Variants in NCK2 observed in about 807,000 individuals in gnomAD.
The protein encoded by NCK2 is cytoplasmic protein NCK2.
In NCK2, 16 loss-of-function variants were observed where a neutral mutation model predicts 33.9. The observed-to-expected ratio is 0.47, with a 90% CI of 0.32 to 0.72. NCK2 has a LOEUF of 0.72. Ranked by LOEUF, NCK2 falls within the 30% of genes least tolerant of loss-of-function variation. The pLI is 0.03. For missense variants in NCK2, 418 were observed against 537.3 expected (o/e 0.78, Z 2.19); for synonymous variants, 273 against 239.9 (o/e 1.14, Z -1.27).
At chr2:105,883,957 C>T (rs992284936) in intron 4 of NCK2, among the ~76,000 whole-genome samples, 4 of 152,200 alleles carry the variant, frequency 2.6e-5, no homozygotes, top group African/African-American at 9.6e-5. Flanking sequence ...GCAGCACCGT[C>T]TTTGTCTGAG....
intron 1 of NCK2, among the ~76,000 whole-genome samples, chr2:105,788,544 A>G (rs899524276): frequency 2.0e-4 from 30 of 152,138 alleles, no homozygotes; most frequent in Non-Finnish European, 4.4e-4. Flanking sequence ...TATATTTTTG[A>G]TATTTAACAT....
At chr2:105,813,618 C>T (rs762336248) in intron 1 of NCK2, among the ~76,000 whole-genome samples, 179 of 152,334 alleles carry the variant, frequency 1.2e-3, no homozygotes, top group Non-Finnish European at 1.1e-3. Context: ...CGACTGCTTG[C>T]AGGGGGGCAT....
chr2:105,798,081 C>T (rs1414011825), intron 1 of NCK2, among the ~76,000 whole-genome samples: 1 of 152,042 alleles, frequency 6.6e-6, no homozygotes, highest in African/African-American at 2.4e-5. Flanking sequence ...TTAAATCATC[C>T]CCTACTTCCA....
chr2:105,795,275 A>G (rs1691038038), intron 1 of NCK2, among the ~76,000 whole-genome samples: 1 of 151,562 alleles, frequency 6.6e-6, no homozygotes, highest in South Asian at 2.1e-4. Context: ...GAGCAAACAC[A>G]TATGTGTATA....
At chr2:105,819,933 A>G (rs1261604849) in intron 2 of NCK2, among the ~76,000 whole-genome samples, 2 of 152,138 alleles carry the variant, frequency 1.3e-5, no homozygotes, top group East Asian at 1.9e-4. Flanking sequence ...AAAAATAGAT[A>G]AAATATAGTC....
chr2:105,824,233 C>T (rs886603630), intron 2 of NCK2, among the ~76,000 whole-genome samples: 1 of 150,392 alleles, frequency 6.6e-6, no homozygotes, highest in Non-Finnish European at 1.5e-5. Context: ...GTAAATGTCA[C>T]GTTTCCATAG....
chr2:105,881,116 A>C lies in NCK2; in HGVS notation c.227-212A>C, dbSNP rs75776375. Among the ~76,000 whole-genome samples the C allele has an allele frequency of 5.2e-3, 794 of 152,272 alleles. 7 individuals carry two copies. Among genetic ancestry groups the C allele is most frequent in the African/African-American group, 0.018 (757 of 41,554 alleles). ...ATGTTTTTATGGATAAAATAGATCA[A>C]TTTAATTCTCAACTTTAAGTAACTT... On this transcript the variant is annotated intron_variant, in intron 3 of 4. Transcript: ENST00000233154.
At chr2:105,847,938 C>T (rs1330354447) in intron 2 of NCK2, among the ~76,000 whole-genome samples, 1 of 152,078 alleles carries the variant, frequency 6.6e-6, no homozygotes, top group Admixed American at 6.5e-5. Flanking sequence ...TTATTGGGAT[C>T]TCTTCGTAAA....
chr2:105,837,137 C>T (rs544100591), intron 2 of NCK2, among the ~76,000 whole-genome samples: 2 of 152,290 alleles, frequency 1.3e-5, no homozygotes, highest in Middle Eastern at 6.8e-3. Context: ...CTTGTTGCTT[C>T]TTTGCTGAAT....
At chr2:105,815,015 C>T (rs968809118) in intron 1 of NCK2, among the ~76,000 whole-genome samples, 8 of 152,184 alleles carry the variant, frequency 5.3e-5, no homozygotes, top group African/African-American at 1.9e-4. Flanking sequence ...TGCTGATGTT[C>T]AGTGGTGTCA....
At chr2:105,887,082 G>T (rs1394427764) in intron 4 of NCK2, among the ~76,000 whole-genome samples, 1 of 152,160 alleles carries the variant, frequency 6.6e-6, no homozygotes, top group Non-Finnish European at 1.5e-5. Context: ...AAAGAACATA[G>T]GGTCAACTGA....
chr2:105,864,450 T>A (rs1175853065), intron 3 of NCK2, among the ~76,000 whole-genome samples: 1 of 152,028 alleles, frequency 6.6e-6, no homozygotes, highest in Admixed American at 6.5e-5. Context: ...GGACCAACAG[T>A]GACCCAGAGA....
At chr2:105,841,673 C>G (rs532699222) in intron 2 of NCK2, among the ~76,000 whole-genome samples, 2 of 152,190 alleles carry the variant, frequency 1.3e-5, no homozygotes, top group South Asian at 4.2e-4. Flanking sequence ...CTGCCTTGGT[C>G]TTTCTGGTGA....
At chr2:105,849,989 G>C (rs1163260447) in intron 2 of NCK2, among the ~76,000 whole-genome samples, 1 of 152,178 alleles carries the variant, frequency 6.6e-6, no homozygotes, top group Non-Finnish European at 1.5e-5. Flanking sequence ...TAAGGTGGCA[G>C]TAAGGCCCAC....
intron 3 of NCK2, chr2:105,855,579 G>T: frequency 3.6e-6 from 1 of 275,802 alleles, no homozygotes; most frequent in Non-Finnish European, 7.0e-6. Context: ...AGCCTGACTT[G>T]GAATTCTCAC....
At chr2:105,854,510 T>C (rs939139367) in intron 2 of NCK2, 2 of 152,802 alleles carry the variant, frequency 1.3e-5, no homozygotes, top group African/African-American at 4.8e-5. Flanking sequence ...CAATTATTTA[T>C]TGTTATTATT....
At chr2:105,852,470 A>C (rs1677106188) in intron 2 of NCK2, among the ~76,000 whole-genome samples, 4 of 152,178 alleles carry the variant, frequency 2.6e-5, no homozygotes, top group Admixed American at 2.6e-4. Flanking sequence ...GGCTTGCAGT[A>C]GGGCTCAGGC....
intron 2 of NCK2, among the ~76,000 whole-genome samples, chr2:105,830,695 G>GTGTGTGTA (rs1553458077): frequency 1.3e-5 from 2 of 150,866 alleles, no homozygotes; most frequent in Non-Finnish European, 3.0e-5. Flanking sequence ...GTGTGTGTGT[G>GTGTGTGTA]TGTGTGTGTG....
intron 1 of NCK2, among the ~76,000 whole-genome samples, chr2:105,768,315 G>A (rs1690014087): frequency 6.6e-6 from 1 of 152,226 alleles, no homozygotes; most frequent in Non-Finnish European, 1.5e-5. Flanking sequence ...ACAGGTCTCT[G>A]ATTCTCTGAC....
Sources: allele counts gnomAD v4.1 joint callset (sites outside exome capture counted in the v4.1 genomes callset), GRCh38; gene constraint gnomAD v4.1.1; transcripts MANE v1.5; gene names NCBI Gene and HGNC (gene_info 2026-07-23, HGNC 2026-07-21).